DISP1: variants seen among roughly 807,000 people sequenced by gnomAD.
DISP1 encodes protein dispatched homolog 1.
Under a neutral mutation model 37.3 loss-of-function variants are expected in DISP1, and 30 were observed. That is an observed-to-expected ratio of 0.80 (90% confidence interval 0.60 to 1.09). DISP1 has a LOEUF of 1.09. Among genes scored for constraint, DISP1 ranks in the 50% least tolerant of loss-of-function variants. DISP1 has a pLI of 0.00. For synonymous variants in DISP1, 634 were observed against 690.2 expected (o/e 0.92, Z 1.28); for missense variants, 1,598 against 1,879.5 (o/e 0.85, Z 2.77).
chr1:222,938,995 A>G (rs1674178585), intron 2 of DISP1, among the ~76,000 whole-genome samples: 1 of 152,112 alleles, frequency 6.6e-6, no homozygotes. Flanking sequence ...TTACATACTT[A>G]TGAGGTCAAA....
At chr1:222,870,355 G>C (rs1200699497) in intron 1 of DISP1, among the ~76,000 whole-genome samples, 1 of 152,190 alleles carries the variant, frequency 6.6e-6, no homozygotes, top group Non-Finnish European at 1.5e-5. Context: ...GATCCCTGAG[G>C]AATCTGCACA....
chr1:222,867,768 T>C (rs543917074), intron 1 of DISP1, among the ~76,000 whole-genome samples: 3 of 152,344 alleles, frequency 2.0e-5, no homozygotes, highest in Admixed American at 2.0e-4. Flanking sequence ...AATTGACTTC[T>C]AACTGCCATA....
At chr1:222,965,753 C>G (rs1676431654) in intron 3 of DISP1, among the ~76,000 whole-genome samples, 1 of 152,096 alleles carries the variant, frequency 6.6e-6, no homozygotes, top group African/African-American at 2.4e-5. Flanking sequence ...TTTCAGATCT[C>G]TATTTCCTGT....
intron 1 of DISP1, among the ~76,000 whole-genome samples, chr1:222,820,104 C>G (rs1252271605): frequency 6.6e-6 from 1 of 152,070 alleles, no homozygotes; most frequent in Non-Finnish European, 1.5e-5. Context: ...ATCCAGTGCC[C>G]TTTCAGCTAC....
intron 1 of DISP1, among the ~76,000 whole-genome samples, chr1:222,862,599 C>T (rs1000986425): frequency 2.0e-5 from 3 of 149,976 alleles, no homozygotes; most frequent in East Asian, 2.0e-4. Flanking sequence ...TAGGTGCTAT[C>T]GTGACTCACT....
At chr1:222,853,924 G>A (rs903691322) in intron 1 of DISP1, among the ~76,000 whole-genome samples, 2 of 152,146 alleles carry the variant, frequency 1.3e-5, no homozygotes, top group African/African-American at 4.8e-5. Context: ...AATGATAAAT[G>A]TTAGAGATGA....
rs116038967 is a variant in DISP1 at position 222,886,278 on chromosome 1, C to T, written c.-158-42152C>T. Among the ~76,000 whole-genome samples, 430 of 152,262 alleles carry T rather than the reference C, an allele frequency of 2.8e-3. 3 individuals carry two copies. The highest frequency in any genetic ancestry group is 0.011 in the East Asian group (56 of 5,190). On this transcript the variant is annotated intron_variant, in intron 1 of 8. Transcript: ENST00000675850. ...ATGGTAGAGACAGCAACAGAAGCAA[C>T]GCTTTGAGGTTTATTAGGCAATAAT...
intron 1 of DISP1, among the ~76,000 whole-genome samples, chr1:222,920,470 T>C (rs1032422536): frequency 6.6e-6 from 1 of 152,174 alleles, no homozygotes; most frequent in East Asian, 1.9e-4. Context: ...GCTGAAGTGA[T>C]TCAGCTTGTT....
chr1:222,875,608 G>C (rs1339035713), intron 1 of DISP1, among the ~76,000 whole-genome samples: 2 of 146,824 alleles, frequency 1.4e-5, no homozygotes, highest in Non-Finnish European at 3.0e-5. Context: ...CATGAGGTCA[G>C]GAGTTAGAGA....
chr1:222,821,287 C>A (rs1033465806), intron 1 of DISP1, among the ~76,000 whole-genome samples: 1 of 152,180 alleles, frequency 6.6e-6, no homozygotes, highest in Non-Finnish European at 1.5e-5. Flanking sequence ...AAGGGTTCTT[C>A]CCTTCAGGTT....
chr1:222,938,733 TAAAAAAAAAAAAA>T (rs33948431), intron 2 of DISP1, among the ~76,000 whole-genome samples: 2 of 57,620 alleles, frequency 3.5e-5, no homozygotes, highest in South Asian at 1.0e-3. Flanking sequence ...ACCCTGTCTT[TAAAAAAAAAAAAA>T]AAAAAAAAAA....
Position 222,833,626 on chromosome 1 carries a change from A to G in DISP1, c.-159+18548A>G, listed in dbSNP as rs886891225. On this transcript the variant is annotated intron_variant, in intron 1 of 8. Coordinates refer to ENST00000675850, the MANE Select transcript of DISP1 (RefSeq NM_001377229.1). ...ACATCCCTTTAATTGCTTTCCTCCTATGACCATTGCTTTGCCATGACTGTC... is the reference window on the plus strand; with the variant it reads ...ACATCCCTTTAATTGCTTTCCTCCTGTGACCATTGCTTTGCCATGACTGTC... Among the ~76,000 whole-genome samples, 7 of 152,294 alleles carry G rather than the reference A, an allele frequency of 4.6e-5. No individual in the cohort carries two copies. In the East Asian group the frequency reaches 1.4e-3, roughly 29 times the overall value.
intron 1 of DISP1, among the ~76,000 whole-genome samples, chr1:222,910,465 A>C (rs1189221462): frequency 6.6e-6 from 1 of 152,226 alleles, no homozygotes; most frequent in East Asian, 1.9e-4. Context: ...ACCTTTCTAA[A>C]AGAAATACTA....
intron 1 of DISP1, among the ~76,000 whole-genome samples, chr1:222,817,874 CTG>C (rs983839171): frequency 3.3e-5 from 5 of 152,194 alleles, no homozygotes; most frequent in African/African-American, 1.2e-4. Context: ...GTAGTTATGA[CTG>C]TGAACCTCTT....
rs1024132207 is a variant in DISP1, at chr1:222,879,943, A to G, written c.-158-48487A>G. ...AGAGGAGCATAACATTAAAGAAAAA[A>G]CTTTATGTTTGAAAACTCCACTTTG... On this transcript the variant is annotated intron_variant, in intron 1 of 8. Coordinates refer to ENST00000675850, the MANE Select transcript of DISP1 (RefSeq NM_001377229.1). 5.9e-5 allele frequency among the ~76,000 whole-genome samples: 9 copies of G among 152,224 alleles called. No individual in the cohort carries two copies. In the East Asian group the frequency reaches 1.7e-3, roughly 29 times the overall value.
intron 3 of DISP1, among the ~76,000 whole-genome samples, chr1:222,962,613 A>G (rs1676150868): frequency 6.6e-6 from 1 of 152,202 alleles, no homozygotes; most frequent in Non-Finnish European, 1.5e-5. Flanking sequence ...CAGAGACCCC[A>G]GATATAACAC....
At chr1:222,984,811 C>T (rs1268826606) in intron 4 of DISP1, among the ~76,000 whole-genome samples, 4 of 152,100 alleles carry the variant, frequency 2.6e-5, no homozygotes, top group African/African-American at 9.7e-5. Flanking sequence ...ACCCCCAGGC[C>T]CTAGCAACCA....
chr1:222,981,434 T>G (rs1677829622), intron 3 of DISP1, among the ~76,000 whole-genome samples: 1 of 152,204 alleles, frequency 6.6e-6, no homozygotes, highest in Non-Finnish European at 1.5e-5. Flanking sequence ...TTTTAATATT[T>G]TAATGGGCTT....
intron 1 of DISP1, among the ~76,000 whole-genome samples, chr1:222,897,612 T>C (rs964521654): frequency 6.6e-6 from 1 of 152,178 alleles, no homozygotes; most frequent in African/African-American, 2.4e-5. Context: ...ATTTCTAGGA[T>C]ACTTTATTAA....
Sources: gnomAD v4.1 joint callset for allele counts (sites outside exome capture counted in the v4.1 genomes callset) on GRCh38, gnomAD v4.1.1 for gene constraint, MANE v1.5 for transcripts, NCBI Gene and HGNC (gene_info 2026-07-23, HGNC 2026-07-21) for gene names.